The following DNAH3 variants were observed in gnomAD, a reference collection of about 807,000 sequenced individuals.
DNAH3 encodes dynein axonemal heavy chain 3.
DNAH3 carries 332 observed loss-of-function variants against 432.5 expected under a neutral mutation model. The observed-to-expected ratio is 0.77, with a 90% CI of 0.70 to 0.84. The LOEUF (loss-of-function observed/expected upper bound fraction) is 0.84. Ranked by LOEUF, DNAH3 falls within the 40% of genes least tolerant of loss-of-function variation. DNAH3 has a pLI of 0.00. For synonymous variants in DNAH3, 1,956 were observed against 1,900.2 expected (o/e 1.03, Z -0.76); for missense variants, 4,861 against 5,114.0 (o/e 0.95, Z 1.51).
chr16:20,978,605 C>T (rs941103451), intron 50 of DNAH3, among the ~76,000 whole-genome samples: 1 of 152,204 alleles, frequency 6.6e-6, no homozygotes, highest in Non-Finnish European at 1.5e-5. Context: ...ACGATCATAG[C>T]TCACTGCAGC....
At chr16:21,152,445 C>CA (rs1361465264) in intron 1 of DNAH3, among the ~76,000 whole-genome samples, 2 of 152,252 alleles carry the variant, frequency 1.3e-5, no homozygotes, top group African/African-American at 4.8e-5. Flanking sequence ...GCAGTCCTCA[C>CA]AGCCCTCGCT....
At position 21,070,765 on chromosome 16, in the gene DNAH3, T is replaced by TACC; in HGVS notation, c.3145_3146insGGT (p.Lys1049delinsArgTer). On this transcript the variant is annotated stop_gained and protein_altering_variant, in exon 22 of 62. Coordinates refer to ENST00000261383, the Ensembl canonical transcript of DNAH3. LOFTEE classifies it high-confidence loss of function. ...TGGGGAGCCACACATGGTCTGGGTC[T>TACC]TTATCACGTGATCATCAAGTAGCAT... The TACC allele has an allele frequency of 1.2e-6, 2 of 1,613,728 alleles. No individual in the cohort carries two copies. Among genetic ancestry groups the TACC allele is most frequent in the Non-Finnish European group, 1.7e-6 (2 of 1,179,632 alleles).
intron 18 of DNAH3, among the ~76,000 whole-genome samples, chr16:21,096,777 C>T (rs925062821): frequency 6.6e-6 from 1 of 152,072 alleles, no homozygotes; most frequent in East Asian, 1.9e-4. Flanking sequence ...CTGTTATTAT[C>T]CTCACTCATC....
chr16:21,008,729 A>G (rs1334992986), intron 41 of DNAH3, among the ~76,000 whole-genome samples: 1 of 152,044 alleles, frequency 6.6e-6, no homozygotes, highest in Admixed American at 6.6e-5. Flanking sequence ...AGTGTTGTCA[A>G]CTGACCTGCT....
intron 21 of DNAH3, among the ~76,000 whole-genome samples, chr16:21,071,950 C>G (rs1018995558): frequency 3.3e-5 from 5 of 152,158 alleles, no homozygotes; most frequent in Non-Finnish European, 5.9e-5. Flanking sequence ...ACACTGTGAA[C>G]TGATGTGCCC....
At chr16:20,992,859 A>G (rs2086615254) in intron 44 of DNAH3, among the ~76,000 whole-genome samples, 1 of 151,964 alleles carries the variant, frequency 6.6e-6, no homozygotes, top group Non-Finnish European at 1.5e-5. Flanking sequence ...TTCTTTTTTT[A>G]GTTTTTGTTG....
chr16:21,067,574 T>C (rs75244559), intron 23 of DNAH3, among the ~76,000 whole-genome samples, 155 bp from the exon 24 acceptor site: 3,222 of 152,130 alleles, frequency 0.021, 121 homozygotes, highest in African/African-American at 0.073. Context: ...TGAATGCTTA[T>C]GGAACATGAC....
At chr16:21,098,438 C>CAAAAAAAAA (rs57032212) in intron 17 of DNAH3, among the ~76,000 whole-genome samples, 178 bp downstream of exon 17, 2 of 62,882 alleles carry the variant, frequency 3.2e-5, no homozygotes, top group African/African-American at 5.0e-5. Flanking sequence ...GACCTTGTCT[C>CAAAAAAAAA]AAAAAAAAAA....
chr16:20,990,527 C>T (rs527743166), intron 44 of DNAH3, among the ~76,000 whole-genome samples: 1 of 152,260 alleles, frequency 6.6e-6, no homozygotes, highest in South Asian at 2.1e-4. Flanking sequence ...AAACCTTGTA[C>T]CCATTAGCAG....
chr16:21,125,222 C>G (rs771384849), exon 9 of DNAH3: 1 of 1,612,786 alleles, frequency 6.2e-7, no homozygotes, highest in African/African-American at 1.3e-5. Context: ...GACTTAATGA[C>G]CAGCTCCCTA....
At chr16:21,015,484 T>C (rs1356768164) in intron 41 of DNAH3, among the ~76,000 whole-genome samples, 3 of 152,196 alleles carry the variant, frequency 2.0e-5, no homozygotes, top group African/African-American at 7.2e-5. Flanking sequence ...GGTGAATACA[T>C]GACATTTACA....
chr16:20,936,565 C>G (rs1237704334), intron 60 of DNAH3, 84 bp downstream of exon 60: 1 of 1,269,632 alleles, frequency 7.9e-7, no homozygotes, highest in Non-Finnish European at 1.1e-6. Flanking sequence ...CCCTCCTCCC[C>G]CTGCCTCTAG....
At position 21,051,664 on chromosome 16, in the gene DNAH3, G is replaced by A; in HGVS notation, c.4238+6C>T. 1.2e-6 allele frequency: 2 copies of A among 1,612,408 alleles called. No individual in the cohort carries two copies. The highest frequency in any genetic ancestry group is 1.7e-6 in the Non-Finnish European group (2 of 1,179,690). On this transcript the variant is annotated splice_donor_region_variant and intron_variant, in intron 29 of 61. Coordinates refer to ENST00000261383, the Ensembl canonical transcript of DNAH3. ...ACCCCTCAGATCTAGGAGCTCCAGA[G>A]TGTACCTGTAGCAGCGGTCGGTGAG...
chr16:20,974,452 G>A (rs1250289351), intron 51 of DNAH3, among the ~76,000 whole-genome samples: 1 of 151,786 alleles, frequency 6.6e-6, no homozygotes, highest in Non-Finnish European at 1.5e-5. Context: ...AGTGAGCTAT[G>A]GATTGCAGTG....
chr16:21,018,037 C>T (rs1200471047), intron 41 of DNAH3, among the ~76,000 whole-genome samples: 1 of 152,100 alleles, frequency 6.6e-6, no homozygotes, highest in Non-Finnish European at 1.5e-5. Context: ...AGCATCTACA[C>T]ACTTTCTCAT....
chr16:20,987,115 G>A (rs543220436), intron 47 of DNAH3, among the ~76,000 whole-genome samples, 190 bp downstream of exon 47: 4 of 152,322 alleles, frequency 2.6e-5, no homozygotes, highest in Admixed American at 2.6e-4. Context: ...TGTTACAACA[G>A]AAGGGAAGCA....
In DNAH3 at chr16:20,936,678, C is replaced by T. The variant is rs745606256; in HGVS notation, c.11830G>A (p.Asp3944Asn). 1.0e-5 allele frequency: 16 copies of T among 1,602,822 alleles called. No homozygotes were observed. In the African/African-American group the frequency reaches 2.0e-4, roughly 20 times the overall value. The change falls in exon 60 of 62, where the codon GAC becomes AAC. Residue 3944 changes from aspartate to asparagine, a missense_variant. Physicochemically the swap from Asp to Asn is conservative, Grantham distance 23 (BLOSUM62 1). Coordinates refer to ENST00000261383, the Ensembl canonical transcript of DNAH3. ...AAGAAGGTCAGGCGGGCCAGCAGGT[C>T]AGCCACGTAGCCCCCCAGAGGCTTC...
At chr16:21,022,814 A>G (rs1378367303) in intron 39 of DNAH3, among the ~76,000 whole-genome samples, 5 of 150,512 alleles carry the variant, frequency 3.3e-5, no homozygotes, top group Non-Finnish European at 7.4e-5. Context: ...GTGTGATCTC[A>G]GCTCACTACA....
chr16:21,009,170 A>C (rs1023386520), intron 41 of DNAH3, among the ~76,000 whole-genome samples: 1 of 152,266 alleles, frequency 6.6e-6, no homozygotes, highest in Non-Finnish European at 1.5e-5. Flanking sequence ...AATAACTTAC[A>C]TATCCTACAT....
Sources: gnomAD v4.1 joint callset for allele counts (sites outside exome capture counted in the v4.1 genomes callset) on GRCh38, gnomAD v4.1.1 for gene constraint, MANE v1.5 for transcripts, NCBI Gene and HGNC (gene_info 2026-07-23, HGNC 2026-07-21) for gene names.